The following CADM1 variants were observed in gnomAD, a reference collection of about 807,000 sequenced individuals.
CADM1 encodes the protein cell adhesion molecule 1, also known as TSLC-1.
Under a neutral mutation model 53.1 loss-of-function variants are expected in CADM1, and 15 were observed. The observed-to-expected ratio is 0.28, with a 90% CI of 0.19 to 0.44. CADM1 has a LOEUF of 0.44. CADM1 is among the 20% of genes least tolerant of loss of function. The pLI is 1.00. For synonymous variants in CADM1, 281 were observed against 243.0 expected (o/e 1.16, Z -1.45); for missense variants, 434 against 611.3 (o/e 0.71, Z 3.06).
At chr11:115,184,187 C>T (rs1418963979) in intron 10 of CADM1, among the ~76,000 whole-genome samples, 1 of 152,030 alleles carries the variant, frequency 6.6e-6, no homozygotes, top group Non-Finnish European at 1.5e-5. Flanking sequence ...TGAAGCAAAA[C>T]CATAATCTGA....
At chr11:115,270,522 TTTA>T in intron 1 of CADM1, among the ~76,000 whole-genome samples, 1 of 152,214 alleles carries the variant, frequency 6.6e-6, no homozygotes, top group East Asian at 1.9e-4. Context: ...CAGGATTTGC[TTTA>T]TTGGTGAAAA....
At chr11:115,204,333 C>T (rs1287312945) in intron 8 of CADM1, among the ~76,000 whole-genome samples, 1 of 152,168 alleles carries the variant, frequency 6.6e-6, no homozygotes, top group Non-Finnish European at 1.5e-5. Flanking sequence ...TCTGCGGCAC[C>T]TTCTGCCTGT....
chr11:115,195,796 A>G (rs1377827292), intron 9 of CADM1, among the ~76,000 whole-genome samples: 1 of 152,210 alleles, frequency 6.6e-6, no homozygotes. Flanking sequence ...AAAATTTTAG[A>G]TATTATCTGG....
At chr11:115,380,749 ACGTGTATGC>A (rs1221786399) in intron 1 of CADM1, among the ~76,000 whole-genome samples, 9 of 152,172 alleles carry the variant, frequency 5.9e-5, no homozygotes, top group Non-Finnish European at 4.4e-5. Context: ...AGATGATCAT[ACGTGTATGC>A]TGAAAATGGA....
intron 5 of CADM1, among the ~76,000 whole-genome samples, chr11:115,225,276 T>C (rs11215430): frequency 0.059 from 8,720 of 148,024 alleles, 364 homozygotes; most frequent in Admixed American, 0.15. Context: ...ACTGAACACT[T>C]GGCTGATTGT....
intron 1 of CADM1, among the ~76,000 whole-genome samples, chr11:115,288,461 GAA>G (rs58675187): frequency 4.0e-5 from 6 of 148,914 alleles, no homozygotes; most frequent in African/African-American, 1.2e-4. Flanking sequence ...TTATGATTAA[GAA>G]AAAAAAAAAT....
intron 1 of CADM1, among the ~76,000 whole-genome samples, chr11:115,347,829 T>A (rs1404762668): frequency 6.6e-6 from 1 of 152,178 alleles, no homozygotes; most frequent in East Asian, 1.9e-4. Flanking sequence ...CAAAGTAGGA[T>A]TCAGAATCAT....
intron 1 of CADM1, among the ~76,000 whole-genome samples, chr11:115,430,912 A>G (rs1948031179): frequency 6.6e-6 from 1 of 152,226 alleles, no homozygotes; most frequent in African/African-American, 2.4e-5. Context: ...TAAAATCGAC[A>G]GAGAAGGTAG....
chr11:115,490,571 G>C (rs546443532), intron 1 of CADM1, among the ~76,000 whole-genome samples: 1 of 151,764 alleles, frequency 6.6e-6, no homozygotes, highest in Non-Finnish European at 1.5e-5. Flanking sequence ...GCTAATTTTT[G>C]TATTTTTCAG....
At chr11:115,194,974 G>T (rs748590011) in intron 9 of CADM1, among the ~76,000 whole-genome samples, 2 of 152,182 alleles carry the variant, frequency 1.3e-5, no homozygotes, top group Admixed American at 1.3e-4. Context: ...AGACCATGTG[G>T]TATCAGGATT....
At chr11:115,395,255 C>T (rs1488551630) in intron 1 of CADM1, among the ~76,000 whole-genome samples, 1 of 152,076 alleles carries the variant, frequency 6.6e-6, no homozygotes, top group Non-Finnish European at 1.5e-5. Flanking sequence ...ACGTAAAGTA[C>T]AGAAAACAAA....
At chr11:115,298,173 C>T (rs778904055) in intron 1 of CADM1, among the ~76,000 whole-genome samples, 3 of 152,208 alleles carry the variant, frequency 2.0e-5, no homozygotes, top group Admixed American at 6.5e-5. Flanking sequence ...GCTACTGACA[C>T]CCTTCTGTAT....
At chr11:115,459,392 CAAT>C (rs1201021458) in intron 1 of CADM1, among the ~76,000 whole-genome samples, 3 of 152,082 alleles carry the variant, frequency 2.0e-5, no homozygotes, top group Non-Finnish European at 4.4e-5. Flanking sequence ...TTTATAGCTA[CAAT>C]GTCACAATTA....
At chr11:115,335,131 T>C (rs573336437) in intron 1 of CADM1, among the ~76,000 whole-genome samples, 1 of 152,230 alleles carries the variant, frequency 6.6e-6, no homozygotes, top group South Asian at 2.1e-4. Context: ...TAAAAATTCA[T>C]AGGAAAATTT....
At chr11:115,287,902 A>C (rs979500307) in intron 1 of CADM1, among the ~76,000 whole-genome samples, 7 of 152,228 alleles carry the variant, frequency 4.6e-5, no homozygotes, top group African/African-American at 1.7e-4. Context: ...CATATATCCT[A>C]AAGATGGGAG....
chr11:115,413,738 G>C (rs1246451288), intron 1 of CADM1, among the ~76,000 whole-genome samples: 1 of 150,972 alleles, frequency 6.6e-6, no homozygotes, highest in Non-Finnish European at 1.5e-5. Context: ...TCTGCTTCCA[G>C]GGTTTAAGTG....
In CADM1 at chr11:115,176,437, G is replaced by A. The variant is rs772554539; in HGVS notation, c.*37C>T. 5.0e-6 allele frequency: 8 copies of A among 1,612,088 alleles called. No individual in the cohort carries two copies. The South Asian group carries it at 8.8e-5, about 18-fold the overall frequency. On this transcript the variant is annotated 3_prime_UTR_variant, in exon 12 of 12. Coordinates refer to ENST00000331581, the MANE Select transcript of CADM1 (RefSeq NM_001301043.2). ...CACTGTCTCTTTATCATCTAAATAG[G>A]GCCAGTTGGACACCTCATTGAAACA...
chr11:115,408,338 C>T (rs939115700), intron 1 of CADM1, among the ~76,000 whole-genome samples: 3 of 152,212 alleles, frequency 2.0e-5, no homozygotes, highest in Non-Finnish European at 4.4e-5. Context: ...CACAACAGCT[C>T]ATTTCTTTAT....
intron 1 of CADM1, among the ~76,000 whole-genome samples, chr11:115,467,569 G>A (rs1948922653): frequency 6.6e-6 from 1 of 152,140 alleles, no homozygotes; most frequent in East Asian, 1.9e-4. Context: ...GCATATTAAG[G>A]CATAAAGAAA....
Sources: gnomAD v4.1 joint callset for allele counts (sites outside exome capture counted in the v4.1 genomes callset) on GRCh38, gnomAD v4.1.1 for gene constraint, MANE v1.5 for transcripts, NCBI Gene and HGNC (gene_info 2026-07-23, HGNC 2026-07-21) for gene names.